Variants in TK2 observed in about 807,000 individuals in gnomAD.
TK2 encodes thymidine kinase 2.
TK2 carries 35 observed loss-of-function variants against 41.9 expected under a neutral mutation model. The observed-to-expected ratio is 0.84, with a 90% CI of 0.64 to 1.11. The LOEUF (loss-of-function observed/expected upper bound fraction) is 1.11. Ranked by LOEUF, TK2 falls within the 50% of genes least tolerant of loss-of-function variation. The pLI is 0.00. For synonymous variants in TK2, 128 were observed against 129.1 expected (o/e 0.99, Z 0.06); for missense variants, 320 against 351.1 (o/e 0.91, Z 0.71).
chr16:66,549,540 G>T, intron 1 of TK2: 1 of 1,047,920 alleles, frequency 9.5e-7, no homozygotes, highest in Non-Finnish European at 1.1e-6. Context: ...GGGCAGGAGA[G>T]CGCCGGGGGC....
intron 2 of TK2, among the ~76,000 whole-genome samples, chr16:66,545,755 C>T (rs919093524): frequency 6.6e-6 from 1 of 151,344 alleles, no homozygotes; most frequent in Non-Finnish European, 1.5e-5. Flanking sequence ...ACCCTGGCGG[C>T]GGAGGTTGCA....
intron 2 of TK2, chr16:66,548,617 G>A: frequency 3.6e-6 from 1 of 274,892 alleles, no homozygotes; most frequent in Non-Finnish European, 7.0e-6. Flanking sequence ...GAGGGTGGTG[G>A]TGGACAGAGC....
intron 3 of TK2, among the ~76,000 whole-genome samples, chr16:66,537,237 A>C (rs530337179): frequency 5.3e-4 from 80 of 152,304 alleles, no homozygotes; most frequent in African/African-American, 1.8e-3. Context: ...TGTCCTGAGA[A>C]TAACTCTATC....
At chr16:66,549,543 C>G in intron 1 of TK2, 1 of 1,051,226 alleles carries the variant, frequency 9.5e-7, no homozygotes, top group Middle Eastern at 4.4e-4. Context: ...CAGGAGAGCG[C>G]CGGGGGCGTA....
At chr16:66,546,357 G>A (rs1385178944) in intron 2 of TK2, among the ~76,000 whole-genome samples, 1 of 152,154 alleles carries the variant, frequency 6.6e-6, no homozygotes, top group Non-Finnish European at 1.5e-5. Context: ...GAATTTTGTG[G>A]TATGCAAATT....
intron 3 of TK2, among the ~76,000 whole-genome samples, chr16:66,541,143 T>G (rs939899147): frequency 2.0e-5 from 3 of 152,234 alleles, no homozygotes; most frequent in African/African-American, 7.2e-5. Context: ...TATGTATATA[T>G]GAAACATAAA....
chr16:66,546,100 T>C (rs117687805), intron 2 of TK2, among the ~76,000 whole-genome samples: 10,410 of 151,874 alleles, frequency 0.069, 512 homozygotes, highest in South Asian at 0.17. Context: ...AATGGTGGTA[T>C]GTGCCTGTAG....
At chr16:66,527,142 G>A (rs1320877731) in intron 6 of TK2, among the ~76,000 whole-genome samples, 2 of 152,244 alleles carry the variant, frequency 1.3e-5, no homozygotes, top group South Asian at 2.1e-4. Context: ...GGAAACCCAG[G>A]TTGTCAGGTG....
At position 66,531,408 on chromosome 16, in the gene TK2, G is replaced by T. The variant is rs747399683; in HGVS notation, c.347C>A (p.Thr116Asn). The change falls in exon 5 of 10, where the codon ACC becomes AAC. Residue 116 changes from threonine (T) to asparagine (N), a missense_variant. By Grantham distance (65) the Thr-to-Asn change is moderately conservative. Coordinates refer to ENST00000544898, the MANE Select transcript of TK2 (RefSeq NM_004614.5). ...GLTLQTYVQL[T>N]MLDRHTRPQV... is the part of the protein sequence containing the mutation. The stretch of plus-strand genomic sequence containing the variant: ...AGGACGAGTATGCCTGTCCAGCATG[G>T]TGAGCTGCACATAAGTCTGTAGCGT... 2 of 1,614,196 alleles carry T rather than the reference G, an allele frequency of 1.2e-6. No homozygotes were observed. The highest frequency in any genetic ancestry group is 1.7e-6 in the Non-Finnish European group (2 of 1,180,032).
At chr16:66,548,851 C>G in intron 2 of TK2, 127 bp downstream of exon 2, 1 of 889,912 alleles carries the variant, frequency 1.1e-6, no homozygotes, top group South Asian at 1.4e-5. Context: ...CTTCCTTCTC[C>G]CTGGAGATCC....
At chr16:66,548,810 AAC>A in intron 2 of TK2, 166 bp downstream of exon 2, 1 of 665,064 alleles carries the variant, frequency 1.5e-6, no homozygotes, top group Admixed American at 2.6e-5. Flanking sequence ...AGAAATTGGT[AAC>A]AGAGGTGGCC....
intron 2 of TK2, chr16:66,548,212 T>C: frequency 2.6e-6 from 1 of 377,496 alleles, no homozygotes; most frequent in South Asian, 1.9e-5. Context: ...CCTCTCTATG[T>C]GGTTTCACTA....
chr16:66,515,870 G>A (rs1433135084), intron 8 of TK2, among the ~76,000 whole-genome samples: 2 of 152,188 alleles, frequency 1.3e-5, no homozygotes, highest in Admixed American at 6.5e-5. Flanking sequence ...AAACAAGGCT[G>A]AGCAGGATTT....
At chr16:66,526,966 A>G (rs148500652) in intron 6 of TK2, among the ~76,000 whole-genome samples, 183 of 152,236 alleles carry the variant, frequency 1.2e-3, no homozygotes, top group Non-Finnish European at 2.2e-3. Context: ...GCTCATTGCA[A>G]CCTCCGCCTC....
At chr16:66,538,049 G>C (rs1206923944) in intron 3 of TK2, among the ~76,000 whole-genome samples, 1 of 152,162 alleles carries the variant, frequency 6.6e-6, no homozygotes, top group Admixed American at 6.5e-5. Context: ...TGTAATCCCA[G>C]ATACTCGGGA....
intron 5 of TK2, 120 bp downstream of exon 5, chr16:66,531,260 G>A (rs1567533616): frequency 2.1e-6 from 2 of 949,440 alleles, no homozygotes; most frequent in Non-Finnish European, 3.3e-6. Flanking sequence ...ACACAGAGAG[G>A]CCTGCACAGC....
intron 4 of TK2, 89 bp downstream of exon 4, chr16:66,536,875 C>T (rs768543641): frequency 3.2e-5 from 48 of 1,492,708 alleles, no homozygotes; most frequent in Non-Finnish European, 4.3e-5. Flanking sequence ...GCAGAGAATG[C>T]CTGGGCAGGC....
Position 66,529,197 on chromosome 16 carries a change from T to C in TK2, c.376-130A>G, listed in dbSNP as rs545624734. ...ATGAGAATCAAGGCGGCAGAGAGAGTGAAGCAGGAGGACCTCCTCACTCCC... is the reference window on the plus strand; with the variant it reads ...ATGAGAATCAAGGCGGCAGAGAGAGCGAAGCAGGAGGACCTCCTCACTCCC... On this transcript the variant is annotated intron_variant, in intron 5 of 9. Transcript: ENST00000544898. The C allele has an allele frequency of 6.8e-6, 6 of 877,776 alleles. No individual in the cohort carries two copies. The Admixed American group carries it at 7.5e-5, about 11-fold the overall frequency. The allele number at this position is 877,776 out of a possible 1,614,324, so 54.4% of individuals were successfully genotyped here. A position where few individuals can be genotyped will look rare whatever the true frequency, so the allele number is the denominator to read the frequency against.
chr16:66,533,927 G>A (rs1161339772), intron 4 of TK2, among the ~76,000 whole-genome samples: 1 of 141,404 alleles, frequency 7.1e-6, no homozygotes. Flanking sequence ...AGAATGGCGC[G>A]AACCCAGGAG....
Sources: allele counts gnomAD v4.1 joint callset (sites outside exome capture counted in the v4.1 genomes callset), GRCh38; gene constraint gnomAD v4.1.1; transcripts MANE v1.5; gene names NCBI Gene and HGNC (gene_info 2026-07-23, HGNC 2026-07-21).